The following PTPRD variants were observed in gnomAD, a reference collection of about 807,000 sequenced individuals.
PTPRD encodes the protein receptor-type tyrosine-protein phosphatase delta.
A neutral mutation model predicts 214.5 loss-of-function variants in PTPRD; 34 were observed. The observed-to-expected ratio is 0.16, with a 90% confidence interval of 0.12 to 0.21. PTPRD has a LOEUF of 0.21. Among genes scored for constraint, PTPRD ranks in the 10% least tolerant of loss-of-function variants. The probability of loss-of-function intolerance (pLI) is 1.00; values close to 1 mark genes in which losing one functional copy is unlikely to be tolerated. For synonymous variants in PTPRD, 1,128 were observed against 845.7 expected (o/e 1.33, Z -5.79); for missense variants, 2,545 against 2,398.7 (o/e 1.06, Z -1.27).
intron 3 of PTPRD, among the ~76,000 whole-genome samples, chr9:10,182,743 A>C (rs1348479643): frequency 2.0e-5 from 3 of 152,218 alleles, no homozygotes; most frequent in African/African-American, 7.2e-5. Context: ...ATAGAGAGGC[A>C]GTTGGGACTC....
chr9:9,747,604 T>C (rs1254493727), intron 6 of PTPRD, among the ~76,000 whole-genome samples: 1 of 149,668 alleles, frequency 6.7e-6, no homozygotes, highest in African/African-American at 2.5e-5. Flanking sequence ...TGGAGTTCAA[T>C]GGCACCATCT....
intron 5 of PTPRD, among the ~76,000 whole-genome samples, chr9:9,807,433 G>T (rs1281178055): frequency 3.3e-5 from 5 of 152,054 alleles, no homozygotes; most frequent in Non-Finnish European, 5.9e-5. Context: ...AACAAGATGC[G>T]ATGTTGGCTA....
At chr9:10,161,331 C>A (rs897806079) in intron 3 of PTPRD, among the ~76,000 whole-genome samples, 12 of 151,776 alleles carry the variant, frequency 7.9e-5, no homozygotes, top group African/African-American at 2.7e-4. Context: ...GTAAATTGTA[C>A]CTGCATAAAA....
At chr9:10,512,180 A>C (rs1208433865) in intron 2 of PTPRD, among the ~76,000 whole-genome samples, 6 of 6,772 alleles carry the variant, frequency 8.9e-4, no homozygotes, top group Admixed American at 2.7e-3. Context: ...TGTAGTTACA[A>C]AAAAAGCTTA....
At chr9:8,701,828 T>C (rs2098091268) in intron 12 of PTPRD, among the ~76,000 whole-genome samples, 1 of 152,152 alleles carries the variant, frequency 6.6e-6, no homozygotes, top group South Asian at 2.1e-4. Flanking sequence ...AATAGAGTAT[T>C]CCATATAAAA....
chr9:9,765,699 C>T (rs1208149199), intron 6 of PTPRD, among the ~76,000 whole-genome samples: 3 of 152,182 alleles, frequency 2.0e-5, no homozygotes, highest in Admixed American at 1.3e-4. Flanking sequence ...CTCGCTCTGT[C>T]GCCCAGGCTG....
At chr9:9,580,215 G>C (rs1199663265) in intron 7 of PTPRD, among the ~76,000 whole-genome samples, 1 of 151,954 alleles carries the variant, frequency 6.6e-6, no homozygotes, top group Non-Finnish European at 1.5e-5. Context: ...TTTTCCTTCG[G>C]GTATATATCA....
At chr9:8,699,764 G>A (rs1365935994) in intron 12 of PTPRD, among the ~76,000 whole-genome samples, 4 of 137,146 alleles carry the variant, frequency 2.9e-5, no homozygotes, top group African/African-American at 5.8e-5. Context: ...CCAGTGCAAC[G>A]CCCAAAAGAA....
chr9:10,478,566 T>C (rs943591297), intron 2 of PTPRD, among the ~76,000 whole-genome samples: 6 of 152,250 alleles, frequency 3.9e-5, no homozygotes, highest in South Asian at 2.1e-4. Flanking sequence ...AAATTAAACA[T>C]ATCTTATTAC....
chr9:8,493,100 C>T lies in PTPRD; in HGVS notation c.2350-121G>A, dbSNP rs1264073361. 5.0e-6 allele frequency: 4 copies of T among 795,704 alleles called. No homozygotes were observed. In the Admixed American group the frequency reaches 8.4e-5, roughly 17 times the overall value. 49.3% of individuals were successfully genotyped at this position (795,704 alleles called of 1,614,324 possible). The stretch of plus-strand genomic sequence containing the variant: ...CACATCCCTTGCAGCCATGCTAAGC[C>T]CTGGAAATTTCATGCCTGAGCTCAT... On this transcript the variant is annotated intron_variant, in intron 26 of 45. Transcript: ENST00000381196.
rs143749639 is a variant in PTPRD at position 10,253,880 on chromosome 9, T to C, written c.-545+87083A>G. 4.0e-3 allele frequency among the ~76,000 whole-genome samples: 606 copies of C among 152,358 alleles called. 7 individuals carry two copies. The highest frequency in any genetic ancestry group is 0.013 in the African/African-American group (553 of 41,582). ...AGGAAAGAAGCCCATGATAACTCTG[T>C]GAAGTAGAATGATGTAGAATATCAC... On this transcript the variant is annotated intron_variant, in intron 3 of 45. Coordinates refer to ENST00000381196, the MANE Select transcript of PTPRD (RefSeq NM_002839.4).
intron 5 of PTPRD, among the ~76,000 whole-genome samples, chr9:9,854,194 C>T (rs1414608338): frequency 1.3e-5 from 2 of 152,086 alleles, no homozygotes; most frequent in African/African-American, 4.8e-5. Context: ...CTTTAATTTA[C>T]TATTTTGTGC....
intron 8 of PTPRD, among the ~76,000 whole-genome samples, chr9:9,543,254 C>A (rs1250743573): frequency 1.3e-5 from 2 of 151,468 alleles, no homozygotes; most frequent in Non-Finnish European, 3.0e-5. Context: ...ATAGACATAA[C>A]AAATTATGGG....
chr9:8,945,057 A>C (rs1260708311), intron 11 of PTPRD, among the ~76,000 whole-genome samples: 2 of 152,064 alleles, frequency 1.3e-5, no homozygotes, highest in Non-Finnish European at 1.5e-5. Context: ...AAAATTTAAA[A>C]ATTTTTTAAA....
chr9:10,328,552 T>C (rs1017794351), intron 3 of PTPRD, among the ~76,000 whole-genome samples: 1 of 151,836 alleles, frequency 6.6e-6, no homozygotes, highest in East Asian at 1.9e-4. Flanking sequence ...AGTCACTTTA[T>C]CTCCAGAAAT....
intron 7 of PTPRD, among the ~76,000 whole-genome samples, chr9:9,709,250 T>G (rs1353775057): frequency 1.3e-5 from 2 of 152,006 alleles, no homozygotes; most frequent in Non-Finnish European, 2.9e-5. Flanking sequence ...TTTTGGATTG[T>G]GTATTTTGAA....
chr9:9,377,817 G>T (rs891487040), intron 9 of PTPRD, among the ~76,000 whole-genome samples: 56 of 152,024 alleles, frequency 3.7e-4, no homozygotes, highest in African/African-American at 9.9e-4. Context: ...ACACGGCAGG[G>T]TCATACCTAT....
At chr9:10,327,533 T>C (rs9987891) in intron 3 of PTPRD, among the ~76,000 whole-genome samples, 36,603 of 151,384 alleles carry the variant, frequency 0.24, 4,629 homozygotes, top group South Asian at 0.33. Flanking sequence ...TAGAATATTC[T>C]ATATTATATC....
intron 3 of PTPRD, among the ~76,000 whole-genome samples, chr9:10,100,313 T>C (rs2098539206): frequency 1.3e-5 from 2 of 151,646 alleles, no homozygotes; most frequent in Non-Finnish European, 3.0e-5. Flanking sequence ...CATATTATCC[T>C]CAATCTATAG....
Sources: allele counts gnomAD v4.1 joint callset (sites outside exome capture counted in the v4.1 genomes callset), GRCh38; gene constraint gnomAD v4.1.1; transcripts MANE v1.5; gene names NCBI Gene and HGNC (gene_info 2026-07-23, HGNC 2026-07-21).